Variants in MICAL3 observed in about 807,000 individuals in gnomAD.
MICAL3 encodes microtubule associated monooxygenase, calponin and LIM domain containing 3, also known as [F-actin]-monooxygenase MICAL3.
Under a neutral mutation model 207.4 loss-of-function variants are expected in MICAL3, and 62 were observed. The ratio of observed to expected loss-of-function variants is 0.30; its 90% CI spans 0.24 to 0.37. MICAL3 has a LOEUF of 0.37. MICAL3 is among the 10% of genes least tolerant of loss of function. The probability of loss-of-function intolerance (pLI) is 1.00; values close to 1 mark genes in which losing one functional copy is unlikely to be tolerated. For missense variants in MICAL3, 2,368 were observed against 2,635.6 expected (o/e 0.90, Z 2.22); for synonymous variants, 1,077 against 1,069.3 (o/e 1.01, Z -0.14).
intron 16 of MICAL3, among the ~76,000 whole-genome samples, chr22:17,875,761 T>G (rs1327510623): frequency 2.0e-5 from 3 of 151,220 alleles, no homozygotes; most frequent in Non-Finnish European, 4.4e-5. Flanking sequence ...TTAACTGTCC[T>G]TCCCTCATGC....
chr22:17,820,497 G>A (rs1231044095), intron 25 of MICAL3, among the ~76,000 whole-genome samples: 1 of 152,184 alleles, frequency 6.6e-6, no homozygotes, highest in African/African-American at 2.4e-5. Context: ...TGGGACTACA[G>A]GCGCCCGCCA....
At chr22:17,974,955 G>A (rs570200790) in intron 1 of MICAL3, among the ~76,000 whole-genome samples, 1 of 152,304 alleles carries the variant, frequency 6.6e-6, no homozygotes, top group South Asian at 2.1e-4. Context: ...TTTCTATGTG[G>A]TAGAAGACAG....
At position 17,828,626 on chromosome 22, in the gene MICAL3, C is replaced by T. The variant is rs368428662; in HGVS notation, c.3056-845G>A. Among the ~76,000 whole-genome samples, 565 of 152,316 alleles carry T rather than the reference C, an allele frequency of 3.7e-3. 1 individual carries two copies. Among genetic ancestry groups the T allele is most frequent in the Non-Finnish European group, 5.7e-3 (387 of 68,018 alleles). Reference sequence around the variant, plus strand: ...CCTGAGAACTCCATGTGGTGCCCTGCTTATCACCTCTGGAAACAAGGCCTG... The same window carrying T: ...CCTGAGAACTCCATGTGGTGCCCTGTTTATCACCTCTGGAAACAAGGCCTG... On this transcript the variant is annotated intron_variant, in intron 21 of 31. Transcript: ENST00000441493.
intron 19 of MICAL3, chr22:17,858,395 C>T: frequency 2.3e-6 from 2 of 877,846 alleles, no homozygotes; most frequent in Non-Finnish European, 2.7e-6. Flanking sequence ...GGGTGAGCTG[C>T]AAGGTAAGGG....
chr22:17,875,484 G>A, intron 16 of MICAL3: 1 of 1,556,414 alleles, frequency 6.4e-7, no homozygotes, highest in Admixed American at 2.0e-5. Context: ...GGCGGGGCGG[G>A]CAGAGGAGCG....
chr22:17,916,360 C>T (rs1932516846), intron 1 of MICAL3, among the ~76,000 whole-genome samples: 2 of 152,202 alleles, frequency 1.3e-5, no homozygotes, highest in African/African-American at 2.4e-5. Context: ...TCCTCCCTCA[C>T]CCCACTGAAC....
chr22:17,908,810 G>T (rs982186999), intron 1 of MICAL3, among the ~76,000 whole-genome samples: 9 of 152,180 alleles, frequency 5.9e-5, no homozygotes, highest in African/African-American at 2.2e-4. Flanking sequence ...GATGCACTAC[G>T]TTCAGCAGGC....
At chr22:17,834,605 A>T (rs1360863992) in intron 20 of MICAL3, 2 of 1,117,626 alleles carry the variant, frequency 1.8e-6, no homozygotes, top group East Asian at 1.7e-4. Context: ...CTTATTCTCA[A>T]GGGGAGGAAA....
At chr22:17,933,758 A>C (rs948231412) in intron 1 of MICAL3, among the ~76,000 whole-genome samples, 9 of 152,212 alleles carry the variant, frequency 5.9e-5, no homozygotes, top group Admixed American at 2.0e-4. Flanking sequence ...AGAGAGAAGA[A>C]TCAAACAGAC....
At chr22:17,838,039 A>G (rs1923585525) in intron 20 of MICAL3, among the ~76,000 whole-genome samples, 1 of 152,098 alleles carries the variant, frequency 6.6e-6, no homozygotes, top group South Asian at 2.1e-4. Context: ...TCCTAGACAC[A>G]AGCAATCCTC....
intron 25 of MICAL3, among the ~76,000 whole-genome samples, chr22:17,821,191 G>A (rs1218935446): frequency 1.3e-5 from 2 of 152,002 alleles, no homozygotes; most frequent in Non-Finnish European, 2.9e-5. Context: ...CACCCAGACG[G>A]CCTCATCCCC....
intron 22 of MICAL3, among the ~76,000 whole-genome samples, chr22:17,827,214 A>C (rs1046204290): frequency 1.3e-5 from 2 of 151,762 alleles, no homozygotes; most frequent in African/African-American, 4.8e-5. Flanking sequence ...TCCTGGACAG[A>C]AATCTCTTCC....
intron 1 of MICAL3, among the ~76,000 whole-genome samples, chr22:17,954,399 G>A (rs931032005): frequency 6.6e-6 from 1 of 152,118 alleles, no homozygotes; most frequent in Non-Finnish European, 1.5e-5. Context: ...CAGGGGGAAG[G>A]AGATTCTGGC....
chr22:17,882,419 C>T (rs1367919768), intron 16 of MICAL3, among the ~76,000 whole-genome samples: 1 of 152,210 alleles, frequency 6.6e-6, no homozygotes, highest in Non-Finnish European at 1.5e-5. Flanking sequence ...CCAGTCAGCC[C>T]TGCTTCTTGA....
At chr22:17,918,405 T>C (rs552670717) in intron 1 of MICAL3, among the ~76,000 whole-genome samples, 42 of 152,082 alleles carry the variant, frequency 2.8e-4, no homozygotes, top group Middle Eastern at 3.4e-3. Flanking sequence ...GAAAAAAAAA[T>C]TACTTTCCAA....
At chr22:17,951,044 G>A (rs924586158) in intron 1 of MICAL3, among the ~76,000 whole-genome samples, 2 of 152,236 alleles carry the variant, frequency 1.3e-5, no homozygotes, top group South Asian at 4.1e-4. Context: ...AAGGGCCAAA[G>A]CACTGCTCTC....
At chr22:17,831,229 C>G (rs1338367738) in intron 21 of MICAL3, among the ~76,000 whole-genome samples, 2 of 150,550 alleles carry the variant, frequency 1.3e-5, no homozygotes, top group Non-Finnish European at 3.0e-5. Context: ...GAATGGCCTT[C>G]TCTCCTGCAC....
chr22:17,947,190 C>T (rs921945881), intron 1 of MICAL3, among the ~76,000 whole-genome samples: 4 of 152,222 alleles, frequency 2.6e-5, no homozygotes, highest in African/African-American at 9.6e-5. Flanking sequence ...AGCCTACAGC[C>T]GCTGCACGCG....
chr22:17,919,907 TCA>T (rs1932759594), intron 1 of MICAL3, among the ~76,000 whole-genome samples: 1 of 152,216 alleles, frequency 6.6e-6, no homozygotes, highest in African/African-American at 2.4e-5. Context: ...AACTGCGGTA[TCA>T]GTGTCAGCAA....
Sources: allele counts gnomAD v4.1 joint callset (sites outside exome capture counted in the v4.1 genomes callset), GRCh38; gene constraint gnomAD v4.1.1; transcripts MANE v1.5; gene names NCBI Gene and HGNC (gene_info 2026-07-23, HGNC 2026-07-21).